Variants in SYT2 observed in about 807,000 individuals in gnomAD.
SYT2 encodes the protein synaptotagmin-2.
A neutral mutation model predicts 39.9 loss-of-function variants in SYT2; 15 were observed. That is an observed-to-expected ratio of 0.38 (90% confidence interval 0.25 to 0.58). The LOEUF (loss-of-function observed/expected upper bound fraction) is 0.58, where lower values mean the gene tolerates loss of function less well. SYT2 is among the 20% of genes least tolerant of loss of function. The probability of loss-of-function intolerance (pLI) is 0.70; values close to 1 mark genes in which losing one functional copy is unlikely to be tolerated. For missense variants in SYT2, 389 were observed against 530.3 expected (o/e 0.73, Z 2.62); for synonymous variants, 181 against 204.5 (o/e 0.89, Z 0.98).
chr1:202,640,790 GAGACAGACAGAC>G (rs796898888), intron 1 of SYT2, among the ~76,000 whole-genome samples: 2 of 120,016 alleles, frequency 1.7e-5, no homozygotes, highest in African/African-American at 3.2e-5. Context: ...GAGAGAGAGA[GAGACAGACAGAC>G]AGAGAGACAG....
intron 1 of SYT2, among the ~76,000 whole-genome samples, chr1:202,649,576 A>G (rs927332948): frequency 1.3e-5 from 2 of 152,222 alleles, no homozygotes; most frequent in African/African-American, 4.8e-5. Flanking sequence ...TCACACAGTT[A>G]GAAAAGGGAA....
intron 1 of SYT2, among the ~76,000 whole-genome samples, chr1:202,644,882 G>A (rs1261715903): frequency 3.3e-5 from 5 of 152,174 alleles, no homozygotes; most frequent in South Asian, 4.1e-4. Flanking sequence ...CGAAGAAGCC[G>A]GGGACTGAAG....
intron 1 of SYT2, among the ~76,000 whole-genome samples, chr1:202,634,583 T>A (rs951367831): frequency 4.6e-5 from 7 of 152,022 alleles, no homozygotes; most frequent in Non-Finnish European, 2.9e-5. Context: ...CTTCCACAAA[T>A]GTTGATAGCA....
chr1:202,647,176 G>A (rs567350534), intron 1 of SYT2, among the ~76,000 whole-genome samples: 14 of 152,214 alleles, frequency 9.2e-5, no homozygotes, highest in African/African-American at 3.1e-4. Flanking sequence ...CTAAAATAAA[G>A]GCCCCTTACC....
intron 1 of SYT2, among the ~76,000 whole-genome samples, chr1:202,652,109 C>T (rs1354971717): frequency 6.6e-6 from 1 of 152,224 alleles, no homozygotes; most frequent in Non-Finnish European, 1.5e-5. Flanking sequence ...AATCATTCAA[C>T]TATCTCTGGG....
At chr1:202,703,551 C>A (rs1170947729) in intron 1 of SYT2, among the ~76,000 whole-genome samples, 3 of 152,132 alleles carry the variant, frequency 2.0e-5, no homozygotes, top group African/African-American at 7.2e-5. Context: ...TCCCCTGCAG[C>A]CTCTCCCTCT....
intron 1 of SYT2, among the ~76,000 whole-genome samples, chr1:202,637,331 G>A (rs1442855534): frequency 2.6e-5 from 4 of 152,266 alleles, no homozygotes; most frequent in Admixed American, 2.0e-4. Context: ...CAGCCTGGGC[G>A]ACAGAGTGAG....
chr1:202,631,722 A>C (rs1428831551), intron 1 of SYT2, among the ~76,000 whole-genome samples: 1 of 152,166 alleles, frequency 6.6e-6, no homozygotes, highest in Non-Finnish European at 1.5e-5. Flanking sequence ...GTTTTTGCAC[A>C]GTCAGCACCA....
At chr1:202,691,907 G>A (rs1399996333) in intron 1 of SYT2, among the ~76,000 whole-genome samples, 1 of 152,018 alleles carries the variant, frequency 6.6e-6, no homozygotes, top group Non-Finnish European at 1.5e-5. Flanking sequence ...CCAGAAATGT[G>A]GTGCAGCCCT....
At chr1:202,657,941 C>T (rs1343152107) in intron 1 of SYT2, among the ~76,000 whole-genome samples, 1 of 152,172 alleles carries the variant, frequency 6.6e-6, no homozygotes, top group African/African-American at 2.4e-5. Flanking sequence ...CAGGAAGTCA[C>T]CAGCCCCTTC....
intron 1 of SYT2, among the ~76,000 whole-genome samples, chr1:202,607,806 TA>T (rs1164759381): frequency 6.6e-6 from 1 of 152,148 alleles, no homozygotes; most frequent in Non-Finnish European, 1.5e-5. Flanking sequence ...CACAAAGGGA[TA>T]AAGATGTGTG....
In SYT2 at chr1:202,624,303, TA is replaced by T. The variant is rs375301185; in HGVS notation, c.-17-18515del. On this transcript the variant is annotated intron_variant, in intron 1 of 8. Transcript: ENST00000367268. ...GTGTATATATGGTGTGTGTGTGATG[TA>T]GGGGGTGGTGTGGGTTAGGGGTGGA... 9.6e-3 allele frequency among the ~76,000 whole-genome samples: 1,409 copies of T among 146,648 alleles called. 21 individuals carry two copies. Among genetic ancestry groups the T allele is most frequent in the African/African-American group, 0.034 (1,338 of 39,348 alleles).
At position 202,603,004 on chromosome 1, in the gene SYT2, T is replaced by A. The variant is rs757009175; in HGVS notation, c.460A>T (p.Asn154Tyr). 4 of 1,599,592 alleles carry A rather than the reference T, an allele frequency of 2.5e-6. No homozygotes were observed. The highest frequency in any genetic ancestry group is 1.7e-5 in the Admixed American group (1 of 59,616). ...CCCCCCACAGCCCTGCATACCTGAT[T>A]AGCCTGAAAATCATAGTCCAGGGAA... is the stretch of plus-strand genomic sequence containing the variant. ...QFSLDYDFQA[N>Y]QLTVGVLQAA... Residue 154 changes from asparagine to tyrosine, a missense_variant, in exon 4 of 9, where the codon AAT becomes TAT. Physicochemically the swap from Asn to Tyr is moderately radical, Grantham distance 143. This residue lies in a region of SYT2 where 280 missense variants were observed against 335.6 expected (regional missense o/e 0.83). Coordinates refer to ENST00000367268, the MANE Select transcript of SYT2 (RefSeq NM_177402.5).
chr1:202,594,528 G>A lies in SYT2; in HGVS notation c.*2229C>T, dbSNP rs1201001117. On this transcript the variant is annotated 3_prime_UTR_variant, in exon 9 of 9. Coordinates refer to ENST00000367268, the MANE Select transcript of SYT2 (RefSeq NM_177402.5). The stretch of plus-strand genomic sequence containing the variant: ...AGCACCAAAATCCCATAACTCTGGG[G>A]TTGGGAGAAGAGTCCAGTGACTTCT... 2 of 152,182 alleles carry A rather than the reference G, an allele frequency of 1.3e-5. No homozygotes were observed. Among genetic ancestry groups the A allele is most frequent in the Non-Finnish European group, 2.9e-5 (2 of 68,076 alleles). The allele number at this position is 152,182 out of a possible 1,614,324, so 9.4% of individuals were successfully genotyped here.
chr1:202,625,097 T>C (rs1691344075), intron 1 of SYT2, among the ~76,000 whole-genome samples: 5 of 118,802 alleles, frequency 4.2e-5, no homozygotes, highest in Non-Finnish European at 8.9e-5. Flanking sequence ...TTGTGTGTGG[T>C]ATGTGTGTGG....
rs528130124 is a variant in SYT2 at position 202,597,904 on chromosome 1, T to C, written c.1054-941A>G. Among the ~76,000 whole-genome samples, 7 of 152,310 alleles carry C rather than the reference T, an allele frequency of 4.6e-5. No individual in the cohort carries two copies. In the East Asian group the frequency reaches 1.2e-3, roughly 25 times the overall value. ...TTGATGATCAGCTGGATTTGCTGAA[T>C]GCTCGATGCCTTTTTCCCCTGTGAC... On this transcript the variant is annotated intron_variant, in intron 8 of 8. Coordinates refer to ENST00000367268, the MANE Select transcript of SYT2 (RefSeq NM_177402.5).
rs1303047498 is a variant in SYT2, at chr1:202,614,668, G to A, written c.-17-8879C>T. ...AGCAAAAGTGCTTTCTTGAAAAATT[G>A]ATGATTGAACTGAGACCTGAAGGGT... On this transcript the variant is annotated intron_variant, in intron 1 of 8. Transcript: ENST00000367268. The surrounding 1 kb of genome is among the most constrained non-coding windows in gnomAD (Gnocchi z 4.0). 6.6e-6 allele frequency among the ~76,000 whole-genome samples: 1 copy of A among 152,230 alleles called. No homozygotes were observed. The highest frequency in any genetic ancestry group is 1.9e-4 in the East Asian group (1 of 5,202).
chr1:202,662,938 G>C (rs1558453271), intron 1 of SYT2, among the ~76,000 whole-genome samples: 1 of 152,234 alleles, frequency 6.6e-6, no homozygotes, highest in East Asian at 1.9e-4. Flanking sequence ...GCTTGGAAGG[G>C]GAAATGAGCT....
At chr1:202,698,278 GGCCAAGCTGGAGAAGGA>G (rs1269190200) in intron 1 of SYT2, among the ~76,000 whole-genome samples, 27 of 152,180 alleles carry the variant, frequency 1.8e-4, no homozygotes, top group African/African-American at 6.5e-4. Context: ...AGTCAAGGTT[GGCCAAGCTGGAGAAGGA>G]GCCACGTGCC....
Sources: allele counts gnomAD v4.1 joint callset (sites outside exome capture counted in the v4.1 genomes callset), GRCh38; gene constraint gnomAD v4.1.1; regional missense constraint gnomAD v4.1.1; non-coding constraint Gnocchi (gnomAD v3.1); transcripts MANE v1.5; gene names NCBI Gene and HGNC (gene_info 2026-07-23, HGNC 2026-07-21).